ADAMTSL1: variants seen among roughly 807,000 people sequenced by gnomAD.
The protein encoded by ADAMTSL1 is ADAMTS like 1, also known as ADAMTS-like protein 1.
Under a neutral mutation model 201.8 loss-of-function variants are expected in ADAMTSL1, and 126 were observed. The observed-to-expected ratio is 0.62, with a 90% CI of 0.54 to 0.72. ADAMTSL1 has a LOEUF of 0.72. Ranked by LOEUF, ADAMTSL1 falls within the 30% of genes least tolerant of loss-of-function variation. The pLI is 0.00. For synonymous variants in ADAMTSL1, 1,121 were observed against 903.4 expected, an observed-to-expected ratio of 1.24 and a Z score of -4.32; for missense variants, 2,679 against 2,277.8, an observed-to-expected ratio of 1.18 and a Z score of -3.59.
intron 2 of ADAMTSL1, among the ~76,000 whole-genome samples, chr9:18,431,463 T>A (rs1032716387): frequency 1.3e-5 from 2 of 152,154 alleles, no homozygotes; most frequent in Non-Finnish European, 2.9e-5. Flanking sequence ...AGACCCAGAT[T>A]TCTGAAATTT....
At chr9:18,851,618 G>C (rs1042057448) in intron 23 of ADAMTSL1, among the ~76,000 whole-genome samples, 2 of 152,198 alleles carry the variant, frequency 1.3e-5, no homozygotes, top group African/African-American at 2.4e-5. Flanking sequence ...TCTGTTCAGG[G>C]TTGGCGTGGG....
intron 1 of ADAMTSL1, among the ~76,000 whole-genome samples, chr9:17,958,704 C>G (rs1563919389): frequency 3.3e-5 from 5 of 152,036 alleles, no homozygotes. Flanking sequence ...AAACCAAACC[C>G]AAACCCAAAC....
intron 2 of ADAMTSL1, chr9:18,360,573 T>G (rs1836473722): frequency 1.3e-5 from 2 of 152,258 alleles, no homozygotes; most frequent in South Asian, 2.1e-4. Context: ...AAAAGATTTT[T>G]TATTTCCCCA....
At chr9:18,270,833 G>T (rs1563848400) in intron 2 of ADAMTSL1, among the ~76,000 whole-genome samples, 2 of 152,166 alleles carry the variant, frequency 1.3e-5, no homozygotes, top group African/African-American at 4.8e-5. Context: ...AGGGAAATAT[G>T]AGTGGAAGTG....
intron 1 of ADAMTSL1, among the ~76,000 whole-genome samples, chr9:18,038,075 A>G (rs60701533): frequency 0.14 from 21,559 of 152,194 alleles, 2,394 homozygotes; most frequent in African/African-American, 0.31. Context: ...GGGACCAACA[A>G]GATGCAGTAT....
chr9:18,497,030 A>C (rs1454601729), intron 1 of ADAMTSL1, among the ~76,000 whole-genome samples: 1 of 152,166 alleles, frequency 6.6e-6, no homozygotes, highest in Non-Finnish European at 1.5e-5. Context: ...CTAGGGGGTG[A>C]TTCTTCACTG....
intron 23 of ADAMTSL1, among the ~76,000 whole-genome samples, chr9:18,883,931 C>G (rs538381016): frequency 7.9e-5 from 12 of 151,666 alleles, no homozygotes; most frequent in Admixed American, 2.0e-4. Context: ...GAATATATAC[C>G]CTAAAGTGGA....
At chr9:18,705,297 G>A (rs1441746020) in intron 13 of ADAMTSL1, among the ~76,000 whole-genome samples, 1 of 152,038 alleles carries the variant, frequency 6.6e-6, no homozygotes, top group African/African-American at 2.4e-5. Context: ...TAGGATCATG[G>A]AAAAATGAAA....
At chr9:18,215,480 C>T (rs1830025540) in intron 2 of ADAMTSL1, among the ~76,000 whole-genome samples, 1 of 152,098 alleles carries the variant, frequency 6.6e-6, no homozygotes, top group Non-Finnish European at 1.5e-5. Context: ...CTATACATTA[C>T]TGGCCTGTCA....
intron 1 of ADAMTSL1, among the ~76,000 whole-genome samples, chr9:18,058,323 A>C (rs747586275): frequency 5.3e-5 from 8 of 152,198 alleles, no homozygotes; most frequent in Non-Finnish European, 1.2e-4. Flanking sequence ...GTACCTAAAT[A>C]TAAGATTTCT....
At chr9:18,165,754 C>T (rs545079876) in intron 2 of ADAMTSL1, among the ~76,000 whole-genome samples, 13 of 152,068 alleles carry the variant, frequency 8.5e-5, no homozygotes, top group Non-Finnish European at 1.6e-4. Context: ...GAAATTCTAA[C>T]AATTTCTGTG....
chr9:18,026,754 T>C (rs1257323627), intron 1 of ADAMTSL1, among the ~76,000 whole-genome samples: 2 of 152,084 alleles, frequency 1.3e-5, no homozygotes, highest in Non-Finnish European at 2.9e-5. Flanking sequence ...CCTCCTCAAT[T>C]TTTGGGAATA....
At position 17,911,957 on chromosome 9, in the gene ADAMTSL1, T is replaced by C. The variant is rs1478817965; in HGVS notation, c.87+5035T>C. 7.3e-5 allele frequency among the ~76,000 whole-genome samples: 4 copies of C among 54,626 alleles called. 2 individuals are homozygous for C. The highest frequency in any genetic ancestry group is 2.4e-4 in the Non-Finnish European group (4 of 16,506). The allele number at this position is 54,626 out of a possible 152,430, so 35.8% of individuals were successfully genotyped here. A position where few individuals can be genotyped will look rare whatever the true frequency, so the allele number is the denominator to read the frequency against. On this transcript the variant is annotated intron_variant, in intron 1 of 29. Coordinates refer to the ADAMTSL1 transcript ENST00000680146. The stretch of plus-strand genomic sequence containing the variant: ...GGTGTTTGGTTTTTTGTTCTTGCAA[T>C]AGTTTACTGAGAATGATGATTTCCA...
chr9:18,825,124 C>T (rs1438027250), intron 21 of ADAMTSL1, among the ~76,000 whole-genome samples: 2 of 152,030 alleles, frequency 1.3e-5, no homozygotes, highest in African/African-American at 2.4e-5. Flanking sequence ...CCTGTGAATC[C>T]GTGCCACATA....
chr9:18,317,960 A>G (rs1834472004), intron 2 of ADAMTSL1, among the ~76,000 whole-genome samples: 1 of 152,204 alleles, frequency 6.6e-6, no homozygotes, highest in Admixed American at 6.5e-5. Flanking sequence ...GCAGGACAAT[A>G]TAGAGCAGAT....
At chr9:18,206,340 AG>A (rs1316492111) in intron 2 of ADAMTSL1, among the ~76,000 whole-genome samples, 1 of 152,122 alleles carries the variant, frequency 6.6e-6, no homozygotes, top group African/African-American at 2.4e-5. Context: ...CGTGGAGCCC[AG>A]GGAGCTGGGT....
intron 1 of ADAMTSL1, among the ~76,000 whole-genome samples, chr9:17,907,100 G>A (rs1825747120): frequency 6.6e-6 from 1 of 152,194 alleles, no homozygotes. Flanking sequence ...CGTACCCTGG[G>A]GTCGATCGGG....
At chr9:17,963,036 T>C (rs1817823445) in intron 1 of ADAMTSL1, among the ~76,000 whole-genome samples, 2 of 152,370 alleles carry the variant, frequency 1.3e-5, no homozygotes, top group Admixed American at 1.3e-4. Flanking sequence ...TAGCTACCTT[T>C]TGGCAAAATG....
intron 23 of ADAMTSL1, among the ~76,000 whole-genome samples, chr9:18,846,991 G>C (rs1826158305): frequency 6.6e-6 from 1 of 152,220 alleles, no homozygotes; most frequent in Non-Finnish European, 1.5e-5. Flanking sequence ...ACATGGGTGT[G>C]TAATGCAGAA....
Sources: allele counts gnomAD v4.1 joint callset (sites outside exome capture counted in the v4.1 genomes callset), GRCh38; gene constraint gnomAD v4.1.1; transcripts MANE v1.5; gene names NCBI Gene and HGNC (gene_info 2026-07-23, HGNC 2026-07-21).